HIVEP3: variants seen among roughly 807,000 people sequenced by gnomAD.
HIVEP3 encodes transcription factor HIVEP3.
In HIVEP3, 49 loss-of-function variants were observed where a neutral mutation model predicts 152.8. That is an observed-to-expected ratio of 0.32 (90% CI 0.26 to 0.41). The LOEUF (loss-of-function observed/expected upper bound fraction) is 0.41. Ranked by LOEUF, HIVEP3 falls within the 10% of genes least tolerant of loss-of-function variation. HIVEP3 has a pLI of 1.00. For missense variants in HIVEP3, 2,790 were observed against 3,103.3 expected, an observed-to-expected ratio of 0.90 and a Z score of 2.40; for synonymous variants, 1,269 against 1,289.0, an observed-to-expected ratio of 0.98 and a Z score of 0.33.
At position 41,689,545 on chromosome 1, in the gene HIVEP3, G is replaced by A. The variant is rs186090797; in HGVS notation, c.-721+11371C>T. ...GTCCCTGGGAGGAAAAACACACCAA[G>A]GGCTTGGGAGGAGTGGTAGGAAGCC... is the stretch of plus-strand genomic sequence containing the variant. On this transcript the variant is annotated intron_variant, in intron 2 of 8. Coordinates refer to ENST00000372583, the MANE Select transcript of HIVEP3 (RefSeq NM_024503.5). 3.2e-4 allele frequency among the ~76,000 whole-genome samples: 49 copies of A among 152,296 alleles called. 1 individual carries two copies. In the South Asian group the frequency reaches 6.2e-3, roughly 19 times the overall value.
chr1:41,678,304 T>C (rs963696317), intron 2 of HIVEP3, among the ~76,000 whole-genome samples: 1 of 152,114 alleles, frequency 6.6e-6, no homozygotes, highest in African/African-American at 2.4e-5. Context: ...ATTGCGACAA[T>C]GCATTAGGCA....
intron 5 of HIVEP3, among the ~76,000 whole-genome samples, chr1:41,541,286 T>C (rs1643525390): frequency 6.6e-6 from 1 of 152,208 alleles, no homozygotes; most frequent in East Asian, 1.9e-4. Flanking sequence ...ATGAAAGCCC[T>C]ATTTCTCTAA....
At chr1:41,532,410 G>A (rs1209256109) in intron 5 of HIVEP3, among the ~76,000 whole-genome samples, 3 of 152,114 alleles carry the variant, frequency 2.0e-5, no homozygotes, top group Non-Finnish European at 2.9e-5. Flanking sequence ...TGGTTGCAGA[G>A]AGGAGATGAG....
chr1:41,551,193 T>C (rs1218451252), intron 5 of HIVEP3, among the ~76,000 whole-genome samples: 2 of 152,222 alleles, frequency 1.3e-5, no homozygotes, highest in Non-Finnish European at 2.9e-5. Context: ...GATTTGTGTA[T>C]GTTGAACCAT....
At chr1:41,796,134 A>G (rs900847457) in intron 1 of HIVEP3, among the ~76,000 whole-genome samples, 4 of 152,224 alleles carry the variant, frequency 2.6e-5, no homozygotes, top group Admixed American at 2.6e-4. Context: ...AAAATACATG[A>G]TATTTTTGAC....
At chr1:41,561,679 A>ATTTTTT (rs56969476) in intron 5 of HIVEP3, among the ~76,000 whole-genome samples, 3 of 127,084 alleles carry the variant, frequency 2.4e-5, no homozygotes, top group African/African-American at 9.0e-5. Context: ...TGCCCAGCTA[A>ATTTTTT]TTTTTTTTTT....
At chr1:41,565,991 T>A (rs1157222863) in intron 5 of HIVEP3, among the ~76,000 whole-genome samples, 32 of 152,170 alleles carry the variant, frequency 2.1e-4, no homozygotes, top group Non-Finnish European at 2.9e-5. Flanking sequence ...GACTTGGGTT[T>A]CACAGCACAT....
chr1:42,019,757 A>G (rs1645543508), intron 1 of HIVEP3, among the ~76,000 whole-genome samples: 1 of 151,990 alleles, frequency 6.6e-6, no homozygotes, highest in South Asian at 2.1e-4. Flanking sequence ...AATGGCTAGG[A>G]TCTCTAATGC....
chr1:41,620,226 G>A (rs953459100), intron 3 of HIVEP3, among the ~76,000 whole-genome samples: 3 of 152,150 alleles, frequency 2.0e-5, no homozygotes, highest in African/African-American at 4.8e-5. Context: ...GTTTCCACTC[G>A]CTTTCCCACA....
intron 1 of HIVEP3, among the ~76,000 whole-genome samples, chr1:41,838,802 C>G (rs887101715): frequency 6.6e-6 from 1 of 152,094 alleles, no homozygotes; most frequent in Non-Finnish European, 1.5e-5. Flanking sequence ...ATAGCAGGCA[C>G]ATGCTAGGAA....
chr1:41,564,824 G>A (rs1197409856), intron 5 of HIVEP3, among the ~76,000 whole-genome samples: 1 of 152,192 alleles, frequency 6.6e-6, no homozygotes, highest in Non-Finnish European at 1.5e-5. Context: ...CAAGGAAAAG[G>A]AAGACCCAAG....
In HIVEP3 at chr1:41,811,905, A is replaced by T. The variant is rs60014355; in HGVS notation, c.-801+106508T>A. ...AATTAATTTACAACTGGAAAAAAAA[A>T]TACTTTATTCTAAAGATGAGCAAGC... On this transcript the variant is annotated intron_variant, in intron 1 of 8. Coordinates refer to ENST00000372583, the MANE Select transcript of HIVEP3 (RefSeq NM_024503.5). 5.5e-3 allele frequency among the ~76,000 whole-genome samples: 837 copies of T among 152,232 alleles called. 5 individuals carry two copies. The highest frequency in any genetic ancestry group is 0.019 in the African/African-American group (774 of 41,516).
intron 1 of HIVEP3, among the ~76,000 whole-genome samples, chr1:41,786,829 G>A (rs1649377605): frequency 6.7e-6 from 1 of 148,980 alleles, no homozygotes; most frequent in Admixed American, 6.7e-5. Flanking sequence ...TCGGTTCACT[G>A]CAACCTCCTC....
chr1:41,536,569 G>T (rs564425041), intron 5 of HIVEP3, among the ~76,000 whole-genome samples: 1 of 152,082 alleles, frequency 6.6e-6, no homozygotes, highest in African/African-American at 2.4e-5. Context: ...GAGGGGACGC[G>T]GTGGGGACTG....
chr1:41,640,783 G>A (rs139384796), intron 2 of HIVEP3, among the ~76,000 whole-genome samples: 1 of 152,198 alleles, frequency 6.6e-6, no homozygotes, highest in Non-Finnish European at 1.5e-5. Context: ...TCATACTAAT[G>A]CTACGGTCAG....
At chr1:41,755,727 C>T (rs1647278892) in intron 1 of HIVEP3, among the ~76,000 whole-genome samples, 1 of 152,020 alleles carries the variant, frequency 6.6e-6, no homozygotes, top group Non-Finnish European at 1.5e-5. Flanking sequence ...AAAAGATGTT[C>T]AATGTCATTA....
At position 41,791,624 on chromosome 1, in the gene HIVEP3, T is replaced by C. The variant is rs1236009858; in HGVS notation, c.-800-90629A>G. On this transcript the variant is annotated intron_variant, in intron 1 of 8. Transcript: ENST00000372583. The stretch of plus-strand genomic sequence containing the variant: ...AAGTTGCCTGGGAATGCTGATATTG[T>C]GGTGCTACCATATACCAAGGCTAGA... Among the ~76,000 whole-genome samples the C allele has an allele frequency of 2.0e-5, 3 of 152,222 alleles. No individual in the cohort carries two copies. The East Asian group carries it at 5.8e-4, about 29-fold the overall frequency.
intron 1 of HIVEP3, among the ~76,000 whole-genome samples, chr1:41,831,395 C>A (rs1642961438): frequency 6.6e-6 from 1 of 152,136 alleles, no homozygotes; most frequent in South Asian, 2.1e-4. Flanking sequence ...TGTGACAGCT[C>A]CAGCATCCTA....
At chr1:41,699,333 A>G (rs980523696) in intron 2 of HIVEP3, among the ~76,000 whole-genome samples, 1 of 152,228 alleles carries the variant, frequency 6.6e-6, no homozygotes, top group Admixed American at 6.5e-5. Flanking sequence ...CTTTGGCCCC[A>G]GAACCTACTC....
Sources: allele counts gnomAD v4.1 joint callset (sites outside exome capture counted in the v4.1 genomes callset), GRCh38; gene constraint gnomAD v4.1.1; transcripts MANE v1.5; gene names NCBI Gene and HGNC (gene_info 2026-07-23, HGNC 2026-07-21).